The following SMARCD2 variants were observed in gnomAD, a reference collection of about 807,000 sequenced individuals.
SMARCD2 encodes SWI/SNF-related matrix-associated actin-dependent regulator of chromatin subfamily D member 2.
A neutral mutation model predicts 70.4 loss-of-function variants in SMARCD2; 39 were observed. The observed-to-expected ratio is 0.55, with a 90% CI of 0.43 to 0.72. SMARCD2 has a LOEUF of 0.72. Ranked by LOEUF, SMARCD2 falls within the 30% of genes least tolerant of loss-of-function variation. The pLI is 0.00. For synonymous variants in SMARCD2, 249 were observed against 279.4 expected (o/e 0.89, Z 1.08); for missense variants, 540 against 713.4 (o/e 0.76, Z 2.77).
rs2040245935 is a variant in SMARCD2 at position 63,834,937 on chromosome 17, G to A, written c.724-137C>T. 4.5e-6 allele frequency: 3 copies of A among 661,256 alleles called. No individual in the cohort carries two copies. Among genetic ancestry groups the A allele is most frequent in the Non-Finnish European group, 8.0e-6 (3 of 377,244 alleles). The allele number at this position is 661,256 out of a possible 1,614,324, so 41.0% of individuals were successfully genotyped here. ...GATTCCTGGGCCCTGAAGGATGGAAGCAGGACTCTGGGCAGACTGGAGGCA... is the reference window on the plus strand; with the variant it reads ...GATTCCTGGGCCCTGAAGGATGGAAACAGGACTCTGGGCAGACTGGAGGCA... On this transcript the variant is annotated intron_variant, in intron 5 of 12. Transcript: ENST00000448276. This position sits in a 1 kb window ranked among gnomAD's most constrained non-coding sequence, Gnocchi z 5.6.
intron 1 of SMARCD2, among the ~76,000 whole-genome samples, chr17:63,841,905 C>T (rs917688186): frequency 1.3e-5 from 2 of 152,192 alleles, no homozygotes; most frequent in Non-Finnish European, 2.9e-5. Context: ...GAGTAAAGTC[C>T]GCCCGTGCAC....
In SMARCD2 at chr17:63,837,536, C is replaced by T. The variant is rs772071782; in HGVS notation, c.306G>A (p.Pro102=). 8.1e-6 allele frequency: 13 copies of T among 1,609,158 alleles called. No homozygotes were observed. The highest frequency in any genetic ancestry group is 1.3e-5 in the African/African-American group (1 of 74,798). Residue 102 remains proline, a synonymous_variant, in exon 2 of 13, where the codon CCG becomes CCA. Transcript: ENST00000448276. This position sits in a 1 kb window ranked among gnomAD's most constrained non-coding sequence, Gnocchi z 6.4. The part of the protein sequence containing the change: ...PAGSPFGAAA[P]LRPGMPPTMM... The stretch of plus-strand genomic sequence containing the variant: ...TGGTGGGTGGCATGCCAGGTCGAAG[C>T]GGAGCTGCTGCACCAAATGGGGAGC...
chr17:63,833,183 A>C lies in SMARCD2; in HGVS notation c.1441-13T>G, dbSNP rs779314329. 1.2e-6 allele frequency: 2 copies of C among 1,608,792 alleles called. No individual in the cohort carries two copies. Among genetic ancestry groups the C allele is most frequent in the South Asian group, 2.2e-5 (2 of 90,346 alleles). Reference sequence around the variant, plus strand: ...CATCAGTGATGATCTGCAAAGAGCCAGGAGGAAAGCCATAGCATAATCCCC... The same window carrying C: ...CATCAGTGATGATCTGCAAAGAGCCCGGAGGAAAGCCATAGCATAATCCCC... On this transcript the variant is annotated splice_polypyrimidine_tract_variant and intron_variant, in intron 11 of 12. Transcript: ENST00000448276. The surrounding 1 kb of genome is among the most constrained non-coding windows in gnomAD (Gnocchi z 4.3).
chr17:63,832,365 A>G lies in SMARCD2; in HGVS notation c.*573T>C. 4.3e-6 allele frequency: 1 copy of G among 231,472 alleles called. No homozygotes were observed. Among genetic ancestry groups the G allele is most frequent in the South Asian group, 8.0e-5 (1 of 12,474 alleles). 14.3% of individuals were successfully genotyped at this position (231,472 alleles called of 1,614,324 possible). A position where few individuals can be genotyped will look rare whatever the true frequency, so the allele number is the denominator to read the frequency against. ...TTGCATAGATTGAGGAAAGAAAAGAAGGAGGCACCTAACAGGCTCCCTGAA... is the reference window on the plus strand; with the variant it reads ...TTGCATAGATTGAGGAAAGAAAAGAGGGAGGCACCTAACAGGCTCCCTGAA... On this transcript the variant is annotated 3_prime_UTR_variant, in exon 13 of 13. Transcript: ENST00000448276.
rs748078603 is a variant in SMARCD2 at position 63,836,903 on chromosome 17, T to C, written c.567+19A>G. ...CAAGGAAACCTGGGAAGGCTAGAGG[T>C]GGTCAGGGCCACACATACTGTCAGA... On this transcript the variant is annotated intron_variant, in intron 4 of 12. Coordinates refer to ENST00000448276, the MANE Select transcript of SMARCD2 (RefSeq NM_001098426.2). The C allele has an allele frequency of 3.2e-5, 52 of 1,601,452 alleles. No individual in the cohort carries two copies. Among genetic ancestry groups the C allele is most frequent in the Non-Finnish European group, 4.3e-5 (50 of 1,170,226 alleles).
chr17:63,834,202 G>A lies in SMARCD2; in HGVS notation c.1048C>T (p.Arg350Trp). 5.6e-6 allele frequency: 9 copies of A among 1,607,754 alleles called. No homozygotes were observed. Among genetic ancestry groups the A allele is most frequent in the South Asian group, 4.4e-5 (4 of 90,188 alleles). Residue 350 changes from arginine (R) to tryptophan (W), a missense_variant, in exon 8 of 13, where the codon CGG becomes TGG. Transcript: ENST00000448276. The surrounding 1 kb of genome is among the most constrained non-coding windows in gnomAD (Gnocchi z 5.6). ...KHNQLQDGHE[R>W]EYINCNRYFR... ...TAACGGTTGCAGTTGATGTACTCCCGCTCGTGCCCATCCTGCAGCTGGTTG... is the reference window on the plus strand; with the variant it reads ...TAACGGTTGCAGTTGATGTACTCCCACTCGTGCCCATCCTGCAGCTGGTTG...
In SMARCD2 at chr17:63,837,561, C is replaced by G; in HGVS notation, c.281G>C (p.Gly94Ala). ...MAGLQVGPPA[G>A]SPFGAAAPLR... ...CGGAGCTGCTGCACCAAATGGGGAG[C>G]CAGCAGGGGGTCCCACCTGCAAGCC... is the stretch of plus-strand genomic sequence containing the variant. The change falls in exon 2 of 13, where the codon GGC (glycine) becomes GCC (alanine). Residue 94 changes from glycine to alanine, a missense_variant. Physicochemically the swap from Gly to Ala is moderately conservative, Grantham distance 60. Coordinates refer to ENST00000448276, the MANE Select transcript of SMARCD2 (RefSeq NM_001098426.2). This position sits in a 1 kb window ranked among gnomAD's most constrained non-coding sequence, Gnocchi z 6.4. The G allele has an allele frequency of 6.2e-7, 1 of 1,611,988 alleles. No homozygotes were observed.
chr17:63,834,331 G>A lies in SMARCD2; in HGVS notation c.922-3C>T, dbSNP rs756359576. On this transcript the variant is annotated splice_polypyrimidine_tract_variant and splice_region_variant and intron_variant, in intron 7 of 12. Coordinates refer to ENST00000448276, the MANE Select transcript of SMARCD2 (RefSeq NM_001098426.2). The surrounding 1 kb of genome is among the most constrained non-coding windows in gnomAD (Gnocchi z 5.6). ...GGGTCCAATTTGTACTGGGGAGGCTGGAGTTGGATGGAGGGGAGTCAGAAC... is the reference window on the plus strand; with the variant it reads ...GGGTCCAATTTGTACTGGGGAGGCTAGAGTTGGATGGAGGGGAGTCAGAAC... The A allele has an allele frequency of 1.8e-4, 284 of 1,609,310 alleles. 2 individuals are homozygous for A. The East Asian group carries it at 6.4e-3, about 36-fold the overall frequency.
In SMARCD2 at chr17:63,837,255, C is replaced by G; in HGVS notation, c.402-18G>C. ...TCTTTAACCTGGGGAGGACAGAAAC[C>G]CACTTAAGAGGTCAATGGTCCAAAA... On this transcript the variant is annotated intron_variant, in intron 2 of 12. Coordinates refer to ENST00000448276, the MANE Select transcript of SMARCD2 (RefSeq NM_001098426.2). This position sits in a 1 kb window ranked among gnomAD's most constrained non-coding sequence, Gnocchi z 6.4. 1 of 1,613,258 alleles carries G rather than the reference C, an allele frequency of 6.2e-7. No individual in the cohort carries two copies. Among genetic ancestry groups the G allele is most frequent in the Non-Finnish European group, 8.5e-7 (1 of 1,179,326 alleles).
rs986940505 is a variant in SMARCD2 at position 63,837,996 on chromosome 17, C to A, written c.217-371G>T. Among the ~76,000 whole-genome samples the A allele has an allele frequency of 1.3e-5, 2 of 152,156 alleles. No homozygotes were observed. Among genetic ancestry groups the A allele is most frequent in the African/African-American group, 4.8e-5 (2 of 41,430 alleles). On this transcript the variant is annotated intron_variant, in intron 1 of 12. Transcript: ENST00000448276. This position sits in a 1 kb window ranked among gnomAD's most constrained non-coding sequence, Gnocchi z 6.4. ...CTGGTCCCTATTCTCTCAGACAGTC[C>A]TGCCAAGCCCTGCCCTCCTTCTCTT...
rs543087874 is a variant in SMARCD2 at position 63,832,674 on chromosome 17, G to A, written c.*264C>T. 1.8e-6 allele frequency: 1 copy of A among 553,228 alleles called. No homozygotes were observed. The highest frequency in any genetic ancestry group is 3.1e-5 in the East Asian group (1 of 32,584). 34.3% of individuals were successfully genotyped at this position (553,228 alleles called of 1,614,324 possible). On this transcript the variant is annotated 3_prime_UTR_variant, in exon 13 of 13. Coordinates refer to ENST00000448276, the MANE Select transcript of SMARCD2 (RefSeq NM_001098426.2). ...AAATGTCTTACAATGTCAAAGCACA[G>A]CCTCCAGCAGTCCTACTTGGGCCTG...
intron 4 of SMARCD2, 71 bp from the exon 5 acceptor site, chr17:63,835,638 CAT>C: frequency 1.4e-6 from 2 of 1,450,108 alleles, no homozygotes; most frequent in Non-Finnish European, 1.9e-6. Flanking sequence ...CGCATCTTCT[CAT>C]ATGAACCATT....
At chr17:63,835,716 G>C in intron 4 of SMARCD2, 149 bp from the exon 5 acceptor site, 2 of 626,392 alleles carry the variant, frequency 3.2e-6, no homozygotes, top group Non-Finnish European at 5.3e-6. Flanking sequence ...ATCAGAAGTA[G>C]TAAGTCCCAG....
chr17:63,835,011 C>T lies in SMARCD2; in HGVS notation c.724-211G>A, dbSNP rs144955535. 262 of 583,980 alleles carry T rather than the reference C, an allele frequency of 4.5e-4. 4 individuals are homozygous for T. The East Asian group carries it at 5.2e-3, about 12-fold the overall frequency. 36.2% of individuals were successfully genotyped at this position (583,980 alleles called of 1,614,324 possible). A position where few individuals can be genotyped will look rare whatever the true frequency, so the allele number is the denominator to read the frequency against. On this transcript the variant is annotated intron_variant, in intron 5 of 12. Transcript: ENST00000448276. ...CCACGAGGGACTTCCTCGAGACACT[C>T]GACTGCCATCTGCAGGAACACTGTA...
In SMARCD2 at chr17:63,833,696, GTCT is replaced by G. The variant is rs748931861; in HGVS notation, c.1205_1207del (p.Lys402del). ...CTCCACATCGATGTCGTAACAGGCTGTCTTCTTCTGGTCGTTAGGGTCGACACT... is the reference window on the plus strand; with the variant it reads ...CTCCACATCGATGTCGTAACAGGCTGTCTTCTGGTCGTTAGGGTCGACACT... On this transcript the variant is annotated inframe_deletion, in exon 10 of 13. Coordinates refer to ENST00000448276, the MANE Select transcript of SMARCD2 (RefSeq NM_001098426.2). This position sits in a 1 kb window ranked among gnomAD's most constrained non-coding sequence, Gnocchi z 4.3. 1.9e-5 allele frequency: 30 copies of G among 1,613,864 alleles called. No individual in the cohort carries two copies. The highest frequency in any genetic ancestry group is 3.3e-5 in the Admixed American group (2 of 60,002).
chr17:63,834,784 C>G lies in SMARCD2; in HGVS notation c.740G>C (p.Arg247Thr). The G allele has an allele frequency of 6.2e-7, 1 of 1,613,060 alleles. No homozygotes were observed. Among genetic ancestry groups the G allele is most frequent in the Non-Finnish European group, 8.5e-7 (1 of 1,179,024 alleles). Residue 247 changes from arginine (R) to threonine (T), a missense_variant, in exon 6 of 13, where the codon AGG (arginine) becomes ACG (threonine). Coordinates refer to ENST00000448276, the MANE Select transcript of SMARCD2 (RefSeq NM_001098426.2). This position sits in a 1 kb window ranked among gnomAD's most constrained non-coding sequence, Gnocchi z 5.6. ...GCTCTTAAAGAATGAAGAAAACTTC[C>G]TCTTCTGTTTGCTAGGCTGGGGATG... ...KLLDDPSKQK[R>T]KFSSFFKSLV...
Position 63,833,872 on chromosome 17 carries a change from C to T in SMARCD2, c.1181+37G>A. On this transcript the variant is annotated intron_variant, in intron 9 of 12. Coordinates refer to ENST00000448276, the MANE Select transcript of SMARCD2 (RefSeq NM_001098426.2). This position sits in a 1 kb window ranked among gnomAD's most constrained non-coding sequence, Gnocchi z 4.3. Reference sequence around the variant, plus strand: ...AGTTCAAGCCAAGGGTGAATCTGCTCTTAGAAGAGCCTTCCTGTCCCCCTC... The same window carrying T: ...AGTTCAAGCCAAGGGTGAATCTGCTTTTAGAAGAGCCTTCCTGTCCCCCTC... The T allele has an allele frequency of 6.4e-7, 1 of 1,561,404 alleles. No individual in the cohort carries two copies. Among genetic ancestry groups the T allele is most frequent in the Non-Finnish European group, 8.8e-7 (1 of 1,132,950 alleles).
In SMARCD2 at chr17:63,833,618, T is replaced by C. The variant is rs2040224051; in HGVS notation, c.1286A>G (p.Asn429Ser). 4.3e-6 allele frequency: 7 copies of C among 1,613,986 alleles called. No individual in the cohort carries two copies. Among genetic ancestry groups the C allele is most frequent in the Non-Finnish European group, 5.9e-6 (7 of 1,179,886 alleles). ...ATCAAGGGAGGCGATCTCCTGCTGA[T>C]TGGTGGTAGAGGCCAGAAAATTGCT... Reference protein sequence around the residue: ...QMSNFLASTTNQQEIASLDVK... With the variant: ...QMSNFLASTTSQQEIASLDVK... Residue 429 changes from asparagine (N) to serine (S), a missense_variant, in exon 10 of 13, where the codon AAT (asparagine) becomes AGT (serine). Coordinates refer to ENST00000448276, the MANE Select transcript of SMARCD2 (RefSeq NM_001098426.2). This position sits in a 1 kb window ranked among gnomAD's most constrained non-coding sequence, Gnocchi z 4.3.
chr17:63,839,244 A>C, intron 1 of SMARCD2: 2 of 985,416 alleles, frequency 2.0e-6, no homozygotes, highest in Non-Finnish European at 2.4e-6. Context: ...CCTGAGACAA[A>C]GACAGGGAAG....
Sources: allele counts gnomAD v4.1 joint callset (sites outside exome capture counted in the v4.1 genomes callset), GRCh38; gene constraint gnomAD v4.1.1; non-coding constraint Gnocchi (gnomAD v3.1); transcripts MANE v1.5; gene names NCBI Gene and HGNC (gene_info 2026-07-23, HGNC 2026-07-21).